The following TMCO5A variants were observed in gnomAD, a reference collection of about 807,000 sequenced individuals.
TMCO5A encodes the protein transmembrane and coiled-coil domains 5A.
Under a neutral mutation model 42.3 loss-of-function variants are expected in TMCO5A, and 34 were observed. That is an observed-to-expected ratio of 0.80 (90% CI 0.61 to 1.07). TMCO5A has a LOEUF of 1.07. TMCO5A is among the 50% of genes least tolerant of loss of function. The pLI, the probability that TMCO5A is intolerant of heterozygous loss-of-function variation, is 0.00. For synonymous variants in TMCO5A, 131 were observed against 115.6 expected (o/e 1.13, Z -0.86); for missense variants, 357 against 327.9 (o/e 1.09, Z -0.69).
At chr15:38,013,407 C>T in the TMCO5A span, among the ~76,000 whole-genome samples, 125 of 152,132 alleles carry the variant, frequency 8.2e-4, no homozygotes, top group Non-Finnish European at 1.5e-3. Flanking sequence ...GACATGGTGC[C>T]AAGAGGTAAA....
the TMCO5A span, among the ~76,000 whole-genome samples, chr15:37,982,074 G>A: frequency 6.6e-6 from 1 of 152,202 alleles, no homozygotes; most frequent in Admixed American, 6.5e-5. Flanking sequence ...ATGCGGAACA[G>A]ATGGACCAAG....
the TMCO5A span, among the ~76,000 whole-genome samples, chr15:38,032,371 C>T: frequency 6.6e-6 from 1 of 152,156 alleles, no homozygotes; most frequent in African/African-American, 2.4e-5. Flanking sequence ...TTTTTCCTTC[C>T]TGGCATTTTT....
rs550030552 is a variant in TMCO5A, at chr15:37,939,624, G to T, written c.387+1395G>T. Reference sequence around the variant, plus strand: ...ATAATGGCCATTATTTTGCTGGCTAGCCCTAAAGAGTTCAAGAATATTGTT... The same window carrying T: ...ATAATGGCCATTATTTTGCTGGCTATCCCTAAAGAGTTCAAGAATATTGTT... On this transcript the variant is annotated intron_variant, in intron 6 of 11. Coordinates refer to ENST00000319669, the MANE Select transcript of TMCO5A (RefSeq NM_152453.4). 5.3e-5 allele frequency among the ~76,000 whole-genome samples: 8 copies of T among 152,180 alleles called. No homozygotes were observed. In the East Asian group the frequency reaches 7.8e-4, roughly 15 times the overall value.
At chr15:37,950,817 C>A (rs8039842) in intron 11 of TMCO5A, among the ~76,000 whole-genome samples, 1 of 152,124 alleles carries the variant, frequency 6.6e-6, no homozygotes, top group African/African-American at 2.4e-5. Context: ...ATTTTAGTGA[C>A]AAATGCTACC....
At chr15:37,980,758 A>C in the TMCO5A span, among the ~76,000 whole-genome samples, 1 of 152,044 alleles carries the variant, frequency 6.6e-6, no homozygotes, top group African/African-American at 2.4e-5. Context: ...ATGCTACATC[A>C]AACTGGACTT....
At chr15:37,993,955 T>C in the TMCO5A span, among the ~76,000 whole-genome samples, 1 of 152,132 alleles carries the variant, frequency 6.6e-6, no homozygotes, top group African/African-American at 2.4e-5. Context: ...ATCAGACAGG[T>C]TTTGCCAGTG....
At chr15:38,036,455 A>T in the TMCO5A span, among the ~76,000 whole-genome samples, 1 of 150,316 alleles carries the variant, frequency 6.7e-6, no homozygotes, top group Non-Finnish European at 1.5e-5. Flanking sequence ...CTCCAAGCTC[A>T]TCACCCAGAG....
chr15:38,008,055 C>G, the TMCO5A span, among the ~76,000 whole-genome samples: 2 of 151,828 alleles, frequency 1.3e-5, no homozygotes, highest in Non-Finnish European at 2.9e-5. Context: ...GCCACCACGC[C>G]TGGCTAATTT....
the TMCO5A span, among the ~76,000 whole-genome samples, chr15:38,029,650 G>A: frequency 6.6e-6 from 1 of 152,078 alleles, no homozygotes; most frequent in Non-Finnish European, 1.5e-5. Context: ...TGTAGAAGCA[G>A]GGTCTCACTA....
chr15:38,035,824 G>A, the TMCO5A span, among the ~76,000 whole-genome samples: 2 of 152,146 alleles, frequency 1.3e-5, no homozygotes, highest in East Asian at 3.8e-4. Flanking sequence ...AGATGCTCTC[G>A]CACAAAGTGT....
At chr15:37,967,783 A>G (rs1387318835), downstream of TMCO5A, 2 of 152,212 alleles carry the variant, frequency 1.3e-5, no homozygotes, top group African/African-American at 2.4e-5. Context: ...CTAAATTGTC[A>G]GGAGCCTTTA....
At chr15:37,961,482 C>T (rs937925676) in intron 11 of TMCO5A, among the ~76,000 whole-genome samples, 4 of 152,096 alleles carry the variant, frequency 2.6e-5, no homozygotes, top group African/African-American at 9.7e-5. Flanking sequence ...TGTCATGCCT[C>T]CAGATTTGTT....
chr15:37,963,340 G>T (rs1890479225), intron 11 of TMCO5A, among the ~76,000 whole-genome samples: 1 of 152,136 alleles, frequency 6.6e-6, no homozygotes, highest in East Asian at 1.9e-4. Context: ...GTTATATTAT[G>T]TCCGTGTATT....
At chr15:37,991,664 C>T in the TMCO5A span, among the ~76,000 whole-genome samples, 3 of 152,056 alleles carry the variant, frequency 2.0e-5, no homozygotes, top group Non-Finnish European at 4.4e-5. Flanking sequence ...TCAATTGTTT[C>T]TTAGGCTTGC....
At chr15:37,963,346 G>C (rs1457288613) in intron 11 of TMCO5A, among the ~76,000 whole-genome samples, 1 of 152,078 alleles carries the variant, frequency 6.6e-6, no homozygotes, top group Non-Finnish European at 1.5e-5. Flanking sequence ...TTATGTCCGT[G>C]TATTTGCATG....
At chr15:37,998,603 C>T in the TMCO5A span, among the ~76,000 whole-genome samples, 1 of 152,046 alleles carries the variant, frequency 6.6e-6, no homozygotes, top group East Asian at 1.9e-4. Flanking sequence ...TACTATAGCT[C>T]TGTAGTATAA....
chr15:38,001,127 G>A, the TMCO5A span, among the ~76,000 whole-genome samples: 2 of 151,998 alleles, frequency 1.3e-5, no homozygotes, highest in Non-Finnish European at 2.9e-5. Flanking sequence ...TTGTATTGGG[G>A]TCTATCTCTC....
the TMCO5A span, among the ~76,000 whole-genome samples, chr15:38,013,467 G>T: frequency 6.6e-6 from 1 of 152,020 alleles, no homozygotes; most frequent in East Asian, 1.9e-4. Flanking sequence ...AACATTAAAG[G>T]GTGGATTTGG....
exon 12 of TMCO5A, chr15:37,967,244 A>T (rs1890578613): frequency 6.6e-6 from 1 of 152,556 alleles, no homozygotes; most frequent in Non-Finnish European, 1.5e-5. Context: ...TGAAACATTC[A>T]CATGCCTTAC....
Sources: gnomAD v4.1 joint callset for allele counts (sites outside exome capture counted in the v4.1 genomes callset) on GRCh38, gnomAD v4.1.1 for gene constraint, MANE v1.5 for transcripts, NCBI Gene and HGNC (gene_info 2026-07-23, HGNC 2026-07-21) for gene names.